PLCB4: variants seen among roughly 807,000 people sequenced by gnomAD.
PLCB4 encodes phospholipase C beta 4, also known as 1-phosphatidylinositol 4,5-bisphosphate phosphodiesterase beta-4.
In PLCB4, 77 loss-of-function variants were observed where a neutral mutation model predicts 178.8. The observed-to-expected ratio is 0.43, with a 90% CI of 0.36 to 0.52. The LOEUF (loss-of-function observed/expected upper bound fraction) is 0.52, where lower values mean the gene tolerates loss of function less well. Among genes scored for constraint, PLCB4 ranks in the 20% least tolerant of loss-of-function variants. The probability of loss-of-function intolerance (pLI) is 0.00; values close to 1 mark genes in which losing one functional copy is unlikely to be tolerated. For synonymous variants in PLCB4, 496 were observed against 490.8 expected, an observed-to-expected ratio of 1.01 and a Z score of -0.14; for missense variants, 1,024 against 1,453.4, an observed-to-expected ratio of 0.70 and a Z score of 4.80.
chr20:9,296,342 T>C lies in PLCB4; in HGVS notation c.-15-11458T>C, dbSNP rs1342618545. Among the ~76,000 whole-genome samples, 7 of 152,126 alleles carry C rather than the reference T, an allele frequency of 4.6e-5. 1 individual carries two copies. The highest frequency in any genetic ancestry group is 1.0e-4 in the Non-Finnish European group (7 of 68,038). The stretch of plus-strand genomic sequence containing the variant: ...TCACACCAGTTAGAATGGCGACCAT[T>C]AAAAAGTCAGGAAACAACAGGTGCT... On this transcript the variant is annotated intron_variant, in intron 3 of 39. Transcript: ENST00000378473.
intron 2 of PLCB4, among the ~76,000 whole-genome samples, chr20:9,193,747 TAATA>T (rs149210219): frequency 1.8e-3 from 272 of 152,308 alleles, no homozygotes; most frequent in African/African-American, 6.4e-3. Context: ...AATAGACAAA[TAATA>T]AACATATATT....
At position 9,361,583 on chromosome 20, in the gene PLCB4, G is replaced by T. The variant is rs1307435610; in HGVS notation, c.370-1313G>T. 1.3e-5 allele frequency among the ~76,000 whole-genome samples: 2 copies of T among 152,162 alleles called. 1 individual carries two copies. The highest frequency in any genetic ancestry group is 1.3e-4 in the Admixed American group (2 of 15,278). On this transcript the variant is annotated intron_variant, in intron 7 of 39. Transcript: ENST00000378473. ...GGTTATGTTGGTTGCATAACAACAT[G>T]AATGTACTTACTGCCACTGAATTTT...
intron 3 of PLCB4, among the ~76,000 whole-genome samples, chr20:9,290,855 G>A (rs575357639): frequency 1.3e-5 from 2 of 152,044 alleles, no homozygotes; most frequent in African/African-American, 2.4e-5. Context: ...TGTAAACTAA[G>A]AAGGCATCAC....
intron 35 of PLCB4, 106 bp downstream of exon 35, chr20:9,459,916 C>T (rs1320465175): frequency 2.9e-6 from 2 of 682,666 alleles, no homozygotes; most frequent in Non-Finnish European, 5.0e-6. Context: ...ATTTGACGTA[C>T]AACATGTAGC....
intron 2 of PLCB4, among the ~76,000 whole-genome samples, chr20:9,101,816 TA>T (rs1320733923): frequency 6.6e-6 from 1 of 151,754 alleles, no homozygotes. Flanking sequence ...TGCCTCATTG[TA>T]AAAACAATTT....
intron 1 of PLCB4, among the ~76,000 whole-genome samples, chr20:9,076,323 C>T (rs6056383): frequency 0.62 from 94,773 of 151,816 alleles, 29,689 homozygotes; most frequent in South Asian, 0.72. Context: ...AAAAATTAGC[C>T]GGGTGTGGTG....
intron 4 of PLCB4, among the ~76,000 whole-genome samples, chr20:9,332,541 G>C (rs941172431): frequency 1.3e-5 from 2 of 151,662 alleles, no homozygotes; most frequent in South Asian, 2.1e-4. Context: ...TTGATGAGCT[G>C]ATTGTGGGTT....
chr20:9,447,497 T>A (rs2042486793), intron 32 of PLCB4, among the ~76,000 whole-genome samples: 1 of 152,204 alleles, frequency 6.6e-6, no homozygotes, highest in Non-Finnish European at 1.5e-5. Flanking sequence ...CATAGTTTCT[T>A]GTGGCCCCAG....
At chr20:9,319,360 G>C (rs1477441655) in intron 4 of PLCB4, among the ~76,000 whole-genome samples, 1 of 152,088 alleles carries the variant, frequency 6.6e-6, no homozygotes, top group Non-Finnish European at 1.5e-5. Context: ...GTCATTACTT[G>C]TTTTGGTTGT....
chr20:9,357,155 T>G (rs2034904685), intron 7 of PLCB4, among the ~76,000 whole-genome samples: 1 of 151,990 alleles, frequency 6.6e-6, no homozygotes, highest in South Asian at 2.1e-4. Flanking sequence ...ACAACAAAAT[T>G]AATTGATCTA....
chr20:9,447,449 T>A (rs2042482098), intron 32 of PLCB4, among the ~76,000 whole-genome samples: 1 of 152,180 alleles, frequency 6.6e-6, no homozygotes, highest in African/African-American at 2.4e-5. Context: ...CCAGGCTTGT[T>A]CACATGGCTG....
intron 3 of PLCB4, among the ~76,000 whole-genome samples, chr20:9,244,406 T>C (rs2094102164): frequency 6.6e-6 from 1 of 152,196 alleles, no homozygotes; most frequent in South Asian, 2.1e-4. Context: ...AAAATATTAA[T>C]CTGATGACTA....
intron 20 of PLCB4, among the ~76,000 whole-genome samples, chr20:9,402,344 C>A (rs529500514): frequency 2.0e-5 from 3 of 152,100 alleles, no homozygotes; most frequent in Non-Finnish European, 4.4e-5. Flanking sequence ...ACTTTCCATG[C>A]GGAGGGACCA....
intron 3 of PLCB4, among the ~76,000 whole-genome samples, chr20:9,297,524 A>G (rs191992825): frequency 1.8e-3 from 277 of 152,208 alleles, no homozygotes; most frequent in Admixed American, 3.0e-3. Context: ...TGAAATTTAA[A>G]AAAGATTAAT....
chr20:9,358,972 A>G (rs1768500628), intron 7 of PLCB4, among the ~76,000 whole-genome samples: 1 of 152,108 alleles, frequency 6.6e-6, no homozygotes, highest in Non-Finnish European at 1.5e-5. Flanking sequence ...ACGTCATGAG[A>G]TTTGGGGTGA....
chr20:9,249,029 A>G (rs951884229), intron 3 of PLCB4, among the ~76,000 whole-genome samples: 8 of 152,012 alleles, frequency 5.3e-5, no homozygotes, highest in South Asian at 2.1e-4. Context: ...GCTCCCTTCT[A>G]TCTTCAAAAC....
chr20:9,335,510 T>C (rs1425723823), intron 4 of PLCB4, among the ~76,000 whole-genome samples: 2 of 152,210 alleles, frequency 1.3e-5, no homozygotes, highest in Non-Finnish European at 2.9e-5. Context: ...AAAAATGTCA[T>C]ATACTGGCAC....
At chr20:9,185,754 A>G (rs1488543336) in intron 2 of PLCB4, among the ~76,000 whole-genome samples, 4 of 152,140 alleles carry the variant, frequency 2.6e-5, no homozygotes, top group Non-Finnish European at 5.9e-5. Flanking sequence ...GCTTAGTCAC[A>G]CTGGCTTCCT....
At chr20:9,474,796 A>G (rs2044434624) in intron 38 of PLCB4, among the ~76,000 whole-genome samples, 1 of 152,202 alleles carries the variant, frequency 6.6e-6, no homozygotes, top group African/African-American at 2.4e-5. Context: ...ATTCATCAAC[A>G]TACTTCCTAG....
Sources: allele counts gnomAD v4.1 joint callset (sites outside exome capture counted in the v4.1 genomes callset), GRCh38; gene constraint gnomAD v4.1.1; transcripts MANE v1.5; gene names NCBI Gene and HGNC (gene_info 2026-07-23, HGNC 2026-07-21).